Variants in ATP2B2 observed in about 807,000 individuals in gnomAD.
ATP2B2 encodes the protein plasma membrane calcium-transporting ATPase 2.
Under a neutral mutation model 120.0 loss-of-function variants are expected in ATP2B2, and 15 were observed. The ratio of observed to expected loss-of-function variants is 0.12; its 90% CI spans 0.08 to 0.19. ATP2B2 has a LOEUF of 0.19. ATP2B2 is among the 10% of genes least tolerant of loss of function. ATP2B2 has a pLI of 1.00. For missense variants in ATP2B2, 1,045 were observed against 1,719.8 expected, an observed-to-expected ratio of 0.61 and a Z score of 6.94; for synonymous variants, 694 against 700.3, an observed-to-expected ratio of 0.99 and a Z score of 0.14.
intron 2 of ATP2B2, among the ~76,000 whole-genome samples, chr3:10,445,013 C>T (rs1057050211): frequency 2.6e-5 from 4 of 152,250 alleles, no homozygotes; most frequent in East Asian, 1.9e-4. Context: ...TGGCACTAGT[C>T]GCCCATCTTT....
intron 2 of ATP2B2, among the ~76,000 whole-genome samples, chr3:10,587,213 G>A (rs6800652): frequency 0.012 from 1,869 of 152,114 alleles, 30 homozygotes; most frequent in African/African-American, 0.033. Flanking sequence ...CCTGAGGTGG[G>A]AGAACCAGCT....
intron 3 of ATP2B2, among the ~76,000 whole-genome samples, chr3:10,512,505 C>CACACACAG (rs2066792607): frequency 7.9e-6 from 1 of 126,546 alleles, no homozygotes; most frequent in African/African-American, 3.0e-5. Context: ...CACACACACA[C>CACACACAG]ACACACACAC....
At chr3:10,471,176 C>T (rs182592423) in intron 1 of ATP2B2, among the ~76,000 whole-genome samples, 249 of 152,318 alleles carry the variant, frequency 1.6e-3, no homozygotes, top group Non-Finnish European at 3.1e-3. Context: ...AAGCCTCCTC[C>T]CTGCCCCCAG....
At chr3:10,490,315 A>T (rs535434997) in intron 1 of ATP2B2, among the ~76,000 whole-genome samples, 14 of 152,236 alleles carry the variant, frequency 9.2e-5, no homozygotes, top group Admixed American at 2.6e-4. Context: ...CATCTGTAAA[A>T]TGGGAATAAT....
At chr3:10,512,480 A>G (rs377240014) in intron 3 of ATP2B2, among the ~76,000 whole-genome samples, 46,386 of 147,390 alleles carry the variant, frequency 0.31, 7,813 homozygotes, top group South Asian at 0.49. Flanking sequence ...ACACACACAC[A>G]CACACACACA....
At chr3:10,393,788 G>A (rs2061937766) in intron 5 of ATP2B2, among the ~76,000 whole-genome samples, 1 of 152,208 alleles carries the variant, frequency 6.6e-6, no homozygotes, top group Non-Finnish European at 1.5e-5. Context: ...TGGAGGGGAT[G>A]TTCCTTGGTC....
At position 10,397,304 on chromosome 3, in the gene ATP2B2, C is replaced by T. The variant is rs539481903; in HGVS notation, c.781+3649G>A. Among the ~76,000 whole-genome samples the T allele has an allele frequency of 3.9e-5, 6 of 152,290 alleles. No homozygotes were observed. The East Asian group carries it at 5.8e-4, about 15-fold the overall frequency. On this transcript the variant is annotated intron_variant, in intron 5 of 22. Transcript: ENST00000360273. ...CAGAAATGACACTACATAGTAGTGTCGTCTATCTGCATGTGGCCAAGGACA... is the reference window on the plus strand; with the variant it reads ...CAGAAATGACACTACATAGTAGTGTTGTCTATCTGCATGTGGCCAAGGACA...
At chr3:10,629,481 G>C (rs1246293795) in intron 1 of ATP2B2, among the ~76,000 whole-genome samples, 1 of 152,240 alleles carries the variant, frequency 6.6e-6, no homozygotes, top group Non-Finnish European at 1.5e-5. Flanking sequence ...TTCCCGCCGA[G>C]GGCCTTCCGT....
chr3:10,520,493 CAG>C (rs1553625180), intron 3 of ATP2B2, among the ~76,000 whole-genome samples: 1 of 152,108 alleles, frequency 6.6e-6, no homozygotes, highest in Non-Finnish European at 1.5e-5. Flanking sequence ...TGTTTTGAGA[CAG>C]AGTCTCATTC....
chr3:10,371,156 G>C (rs2061229379), intron 12 of ATP2B2, among the ~76,000 whole-genome samples: 1 of 152,198 alleles, frequency 6.6e-6, no homozygotes, highest in Non-Finnish European at 1.5e-5. Context: ...ACTTACACTG[G>C]CCAAGAGAAT....
At chr3:10,512,257 G>A (rs2066775997) in intron 3 of ATP2B2, among the ~76,000 whole-genome samples, 1 of 152,054 alleles carries the variant, frequency 6.6e-6, no homozygotes, top group South Asian at 2.1e-4. Context: ...AGAGCAGAGG[G>A]GTGACGACTG....
At chr3:10,368,594 G>A (rs1383060427) in intron 12 of ATP2B2, among the ~76,000 whole-genome samples, 7 of 148,296 alleles carry the variant, frequency 4.7e-5, no homozygotes, top group African/African-American at 1.3e-4. Context: ...TCATCCATCC[G>A]CCAATGAACA....
intron 2 of ATP2B2, among the ~76,000 whole-genome samples, chr3:10,569,260 T>C (rs1206893368): frequency 1.3e-5 from 2 of 152,176 alleles, no homozygotes; most frequent in Non-Finnish European, 2.9e-5. Flanking sequence ...CAAGACACTA[T>C]CCTGGCTACG....
At chr3:10,705,551 G>A (rs533542866) in intron 1 of ATP2B2, among the ~76,000 whole-genome samples, 3 of 152,304 alleles carry the variant, frequency 2.0e-5, no homozygotes, top group Admixed American at 2.0e-4. Context: ...AGTCCTCTTG[G>A]AGACAGTGCA....
At chr3:10,349,924 TCTC>T (rs1444956143) in intron 16 of ATP2B2, among the ~76,000 whole-genome samples, 185 bp downstream of exon 16, 1 of 151,936 alleles carries the variant, frequency 6.6e-6, no homozygotes, top group Non-Finnish European at 1.5e-5. Flanking sequence ...CTTAGCCCCA[TCTC>T]CTTCTGGCCC....
rs114279779 is a variant in ATP2B2 at position 10,552,216 on chromosome 3, G to A, written c.-414-18083C>T. ...AGGGGCGTGGGCGGGAAACCACATAGGCATCACCATGGCATCTGACAGATT... is the reference window on the plus strand; with the variant it reads ...AGGGGCGTGGGCGGGAAACCACATAAGCATCACCATGGCATCTGACAGATT... On this transcript the variant is annotated intron_variant, in intron 2 of 21. Transcript: ENST00000646379. Among the ~76,000 whole-genome samples the A allele has an allele frequency of 2.8e-3, 420 of 152,328 alleles. 2 individuals carry two copies. Among genetic ancestry groups the A allele is most frequent in the African/African-American group, 9.7e-3 (403 of 41,582 alleles).
intron 21 of ATP2B2, 68 bp from the exon 22 acceptor site, chr3:10,338,426 C>G: frequency 6.4e-7 from 1 of 1,560,700 alleles, no homozygotes. Flanking sequence ...CCCTGACACC[C>G]GCTCCTCTAC....
Position 10,410,710 on chromosome 3 carries a change from G to T in ATP2B2, c.305C>A (p.Ala102Glu). The change falls in exon 3 of 23, where the codon GCG (alanine) becomes GAG (glutamate). Residue 102 changes from alanine (A) to glutamate (E), a missense_variant. This residue lies in a region of ATP2B2 where 139 missense variants were observed against 134.2 expected (regional missense o/e 1.04). Transcript: ENST00000360273. ...PKTFLQLVWE[A>E]LQDVTLIILE... ...GATGATGAGCGTCACGTCCTGCAGC[G>T]CCTCCCACACGAGCTGCAGGAAGGT... The T allele has an allele frequency of 1.9e-6, 3 of 1,614,194 alleles. No homozygotes were observed. The highest frequency in any genetic ancestry group is 2.5e-6 in the Non-Finnish European group (3 of 1,180,032).
chr3:10,382,507 C>T (rs564084330), intron 8 of ATP2B2, among the ~76,000 whole-genome samples: 12 of 146,242 alleles, frequency 8.2e-5, no homozygotes, highest in East Asian at 6.3e-4. Flanking sequence ...CTACCATGAC[C>T]GGCTAATTTT....
Sources: allele counts gnomAD v4.1 joint callset (sites outside exome capture counted in the v4.1 genomes callset), GRCh38; gene constraint gnomAD v4.1.1; regional missense constraint gnomAD v4.1.1; transcripts MANE v1.5; gene names NCBI Gene and HGNC (gene_info 2026-07-23, HGNC 2026-07-21).